The following MARCHF1 variants were observed in gnomAD, a reference collection of about 807,000 sequenced individuals.
MARCHF1 encodes the protein E3 ubiquitin-protein ligase MARCHF1.
In MARCHF1, 40 loss-of-function variants were observed where a neutral mutation model predicts 54.2. That is an observed-to-expected ratio of 0.74 (90% confidence interval 0.57 to 0.96). The LOEUF (loss-of-function observed/expected upper bound fraction) is 0.96. Among genes scored for constraint, MARCHF1 ranks in the 40% least tolerant of loss-of-function variants. The pLI, the probability that MARCHF1 is intolerant of heterozygous loss-of-function variation, is 0.00. For missense variants in MARCHF1, 586 were observed against 656.5 expected (o/e 0.89, Z 1.17); for synonymous variants, 236 against 236.3 (o/e 1.00, Z 0.01).
chr4:163,621,983 G>T (rs1352487638), intron 5 of MARCHF1, among the ~76,000 whole-genome samples: 1 of 151,982 alleles, frequency 6.6e-6, no homozygotes, highest in African/African-American at 2.4e-5. Flanking sequence ...GGTGTCTTAG[G>T]GTAGGAGTGA....
rs1453800772 is a variant in MARCHF1 at position 164,097,415 on chromosome 4, G to T, written c.-248+14173C>A. On this transcript the variant is annotated intron_variant, in intron 2 of 9. Transcript: ENST00000514618. ...CGATATCTTTGAAATTTTCATTTAA[G>T]AAATTATTTCATACCATATTTTGGT... Among the ~76,000 whole-genome samples, 3 of 152,190 alleles carry T rather than the reference G, an allele frequency of 2.0e-5. No individual in the cohort carries two copies. In the East Asian group the frequency reaches 5.8e-4, roughly 29 times the overall value.
intron 2 of MARCHF1, among the ~76,000 whole-genome samples, chr4:164,062,633 T>C (rs1270895157): frequency 6.6e-6 from 1 of 152,120 alleles, no homozygotes; most frequent in East Asian, 1.9e-4. Flanking sequence ...CCAGCTATTC[T>C]CCTGCCTCAG....
chr4:163,537,401 C>T (rs1352906086), intron 9 of MARCHF1, among the ~76,000 whole-genome samples: 1 of 152,142 alleles, frequency 6.6e-6, no homozygotes, highest in Admixed American at 6.5e-5. Flanking sequence ...ATCCTATGTA[C>T]AATTCAAGGT....
At chr4:163,619,744 T>A (rs1052929049) in intron 5 of MARCHF1, among the ~76,000 whole-genome samples, 1 of 151,744 alleles carries the variant, frequency 6.6e-6, no homozygotes, top group African/African-American at 2.4e-5. Flanking sequence ...CAGTAAAGTT[T>A]AGGCAAATGC....
In MARCHF1 at chr4:163,613,022, C is replaced by A; in HGVS notation, c.259G>T (p.Asp87Tyr). The change falls in exon 7 of 10, where the codon GAC (aspartate) becomes TAC (tyrosine). Residue 87 changes from aspartate (D) to tyrosine (Y), a missense_variant. Around this residue, in one of 3 missense-constraint regions of MARCHF1, gnomAD observed 387 missense variants for 394.6 expected, o/e 0.98. Coordinates refer to ENST00000514618, the MANE Select transcript of MARCHF1 (RefSeq NM_001394959.1). ...TACTCAAATGACTCTTCTGACATGT[C>A]ATGCAAGATGGCAGATCTAGACAGA... ...QDICRSAILH[D>Y]MSEESFEYCT... The A allele has an allele frequency of 6.6e-7, 1 of 1,505,916 alleles. No individual in the cohort carries two copies. The highest frequency in any genetic ancestry group is 1.3e-5 in the South Asian group (1 of 78,040). 93.3% of individuals were successfully genotyped at this position (1,505,916 alleles called of 1,614,324 possible).
At chr4:163,664,002 A>G (rs953305769) in intron 5 of MARCHF1, among the ~76,000 whole-genome samples, 1 of 151,994 alleles carries the variant, frequency 6.6e-6, no homozygotes, top group African/African-American at 2.4e-5. Flanking sequence ...GCTGTGATAC[A>G]TGAATTTGCA....
At chr4:163,889,853 T>TA (rs138555166) in intron 3 of MARCHF1, among the ~76,000 whole-genome samples, 65,057 of 139,752 alleles carry the variant, frequency 0.47, 15,518 homozygotes, top group Non-Finnish European at 0.55. Context: ...TACCTGCAGA[T>TA]TAAAAAAAAA....
intron 2 of MARCHF1, among the ~76,000 whole-genome samples, chr4:164,065,860 C>T (rs772393959): frequency 2.6e-4 from 39 of 152,108 alleles, no homozygotes; most frequent in African/African-American, 6.0e-4. Context: ...AGGAAGTATC[C>T]GGTGTGGGAA....
At position 163,894,570 on chromosome 4, in the gene MARCHF1, T is replaced by C. The variant is rs867244764; in HGVS notation, c.-38-40401A>G. Among the ~76,000 whole-genome samples the C allele has an allele frequency of 4.3e-3, 626 of 144,736 alleles. 32 individuals carry two copies. Among genetic ancestry groups the C allele is most frequent in the East Asian group, 0.014 (66 of 4,718 alleles). The allele number at this position is 144,736 out of a possible 152,430, so 95.0% of individuals were successfully genotyped here. The stretch of plus-strand genomic sequence containing the variant: ...CTACTCCTGCACATGCATATATATA[T>C]ATGCATGTGATGCATATATATATAT... On this transcript the variant is annotated intron_variant, in intron 3 of 9. Coordinates refer to ENST00000514618, the MANE Select transcript of MARCHF1 (RefSeq NM_001394959.1).
At chr4:164,118,143 A>G (rs933986939) in intron 1 of MARCHF1, among the ~76,000 whole-genome samples, 2 of 152,144 alleles carry the variant, frequency 1.3e-5, no homozygotes, top group Non-Finnish European at 1.5e-5. Context: ...ATAAAATGGA[A>G]AAGACATAAT....
chr4:164,377,206 TAAC>T (rs565045047), intron 1 of MARCHF1, among the ~76,000 whole-genome samples: 44 of 152,254 alleles, frequency 2.9e-4, no homozygotes, highest in African/African-American at 1.0e-3. Context: ...CAGGCAGACT[TAAC>T]AAAAATTCTA....
rs1732088316 is a variant in MARCHF1 at position 164,220,771 on chromosome 4, A to T, written c.-322-109109T>A. Among the ~76,000 whole-genome samples the T allele has an allele frequency of 3.4e-5, 5 of 145,154 alleles. No homozygotes were observed. The East Asian group carries it at 5.9e-4, about 17-fold the overall frequency. On this transcript the variant is annotated intron_variant, in intron 1 of 9. Coordinates refer to ENST00000514618, the MANE Select transcript of MARCHF1 (RefSeq NM_001394959.1). ...GCTATATATGTAATATATATGATAT[A>T]TTTTTTTTTGGAAATAATACTTTCT...
In MARCHF1 at chr4:164,196,265, T is replaced by TA. The variant is rs1731255108; in HGVS notation, c.-322-84604dup. On this transcript the variant is annotated intron_variant, in intron 1 of 9. Transcript: ENST00000514618. ...TATATATTTTCCACACTGTTTTTGC[T>TA]AAAATAACTATATTCATAATGTCCC... Among the ~76,000 whole-genome samples, 3 of 152,246 alleles carry TA rather than the reference T, an allele frequency of 2.0e-5. No individual in the cohort carries two copies. The South Asian group carries it at 6.2e-4, about 32-fold the overall frequency.
At chr4:163,869,372 AG>A (rs1487352717) in intron 3 of MARCHF1, among the ~76,000 whole-genome samples, 2 of 152,060 alleles carry the variant, frequency 1.3e-5, no homozygotes, top group Non-Finnish European at 1.5e-5. Flanking sequence ...CCCAATAACA[AG>A]GGCAATTCAA....
intron 5 of MARCHF1, among the ~76,000 whole-genome samples, chr4:163,621,836 A>G (rs745942629): frequency 4.6e-5 from 7 of 152,040 alleles, no homozygotes; most frequent in Non-Finnish European, 8.8e-5. Context: ...GGGGGTAGAG[A>G]AGGGTATGAG....
intron 3 of MARCHF1, among the ~76,000 whole-genome samples, chr4:163,926,988 T>A (rs1403642508): frequency 6.6e-6 from 1 of 151,794 alleles, no homozygotes; most frequent in East Asian, 1.9e-4. Context: ...TTTTGTGGTA[T>A]AACCAATGCT....
At chr4:164,205,208 T>A (rs919679092) in intron 1 of MARCHF1, among the ~76,000 whole-genome samples, 1 of 152,224 alleles carries the variant, frequency 6.6e-6, no homozygotes, top group Non-Finnish European at 1.5e-5. Context: ...AAACAATCTA[T>A]GTATAATGAT....
intron 1 of MARCHF1, chr4:164,189,460 G>T: frequency 1.4e-6 from 1 of 707,716 alleles, no homozygotes; most frequent in Non-Finnish European, 2.6e-6. Flanking sequence ...TGTTGTTCTT[G>T]GTGGCTCTAC....
intron 4 of MARCHF1, among the ~76,000 whole-genome samples, chr4:163,728,634 T>C (rs746808299): frequency 6.6e-6 from 1 of 152,218 alleles, no homozygotes; most frequent in Non-Finnish European, 1.5e-5. Context: ...AATTGACTTA[T>C]ATATATTAAC....
Sources: allele counts gnomAD v4.1 joint callset (sites outside exome capture counted in the v4.1 genomes callset), GRCh38; gene constraint gnomAD v4.1.1; regional missense constraint gnomAD v4.1.1; transcripts MANE v1.5; gene names NCBI Gene and HGNC (gene_info 2026-07-23, HGNC 2026-07-21).